The following TGFA variants were observed in gnomAD, a reference collection of about 807,000 sequenced individuals.
The protein encoded by TGFA is transforming growth factor alpha.
Under a neutral mutation model 21.7 loss-of-function variants are expected in TGFA, and 12 were observed. That is an observed-to-expected ratio of 0.55 (90% CI 0.35 to 0.90). TGFA has a LOEUF of 0.90. Among genes scored for constraint, TGFA ranks in the 40% least tolerant of loss-of-function variants. TGFA has a pLI of 0.01. For synonymous variants in TGFA, 79 were observed against 88.1 expected (o/e 0.90, Z 0.58); for missense variants, 178 against 210.8 (o/e 0.84, Z 0.96).
At chr2:70,553,039 T>C in intron 1 of TGFA, 1 of 898,788 alleles carries the variant, frequency 1.1e-6, no homozygotes, top group South Asian at 1.8e-5. Flanking sequence ...TTCCCATCCC[T>C]CCTTCATTTC....
chr2:70,481,055 G>C (rs1553495414), intron 2 of TGFA, among the ~76,000 whole-genome samples: 1 of 152,162 alleles, frequency 6.6e-6, no homozygotes, highest in Non-Finnish European at 1.5e-5. Context: ...AGCCATACTG[G>C]TTCAGAAGCA....
Position 70,521,609 on chromosome 2 carries a change from G to GTTGTTTT in TGFA, c.41-6698_41-6697insAAAACAA, listed in dbSNP as rs1432347684. ...ACTATTGATAGTTTTTTTTGTTGTT[G>GTTGTTTT]TTTGTTTGTTTTTTTTTTTTTTTTT... On this transcript the variant is annotated intron_variant, in intron 1 of 5. Transcript: ENST00000295400. 1.1e-3 allele frequency among the ~76,000 whole-genome samples: 87 copies of GTTGTTTT among 78,846 alleles called. 1 individual carries two copies. Among genetic ancestry groups the GTTGTTTT allele is most frequent in the South Asian group, 2.9e-3 (6 of 2,062 alleles). The allele number at this position is 78,846 out of a possible 152,430, so 51.7% of individuals were successfully genotyped here.
intron 3 of TGFA, chr2:70,461,570 G>T (rs537896907): frequency 6.6e-6 from 1 of 152,320 alleles, no homozygotes; most frequent in South Asian, 2.1e-4. Flanking sequence ...TTGGGTCACC[G>T]AGGAGCATTT....
chr2:70,456,468 C>G lies in TGFA; in HGVS notation c.236G>C (p.Gly79Ala). 1 of 1,607,866 alleles carries G rather than the reference C, an allele frequency of 6.2e-7. No homozygotes were observed. The highest frequency in any genetic ancestry group is 8.5e-7 in the Non-Finnish European group (1 of 1,177,296). Reference protein sequence around the residue: ...PACVCHSGYVGARCEHADLLA... With the variant: ...PACVCHSGYVAARCEHADLLA... ...GAGGTCCGCATGCTCACAGCGTGCACCAACGTACCCAGAATGGCAGCTGGG... is the reference window on the plus strand; with the variant it reads ...GAGGTCCGCATGCTCACAGCGTGCAGCAACGTACCCAGAATGGCAGCTGGG... Residue 79 changes from glycine (G) to alanine (A), a missense_variant, in exon 4 of 6, where the codon GGT becomes GCT. Physicochemically the swap from Gly to Ala is moderately conservative, Grantham distance 60. Transcript: ENST00000295400.
chr2:70,532,864 TC>T (rs1672854399), intron 1 of TGFA, among the ~76,000 whole-genome samples: 2 of 70,672 alleles, frequency 2.8e-5, no homozygotes, highest in Non-Finnish European at 5.8e-5. Context: ...ATATTCTTTT[TC>T]TTTTTTTTTT....
intron 1 of TGFA, among the ~76,000 whole-genome samples, chr2:70,530,864 CA>C (rs1672796175): frequency 2.6e-5 from 4 of 152,226 alleles, no homozygotes; most frequent in Admixed American, 6.5e-5. Context: ...GTGCAAGCTG[CA>C]AATGCCCAGC....
intron 3 of TGFA, 72 bp from the exon 4 acceptor site, chr2:70,456,560 T>C (rs1670236246): frequency 1.3e-6 from 2 of 1,501,544 alleles, no homozygotes; most frequent in African/African-American, 1.4e-5. Context: ...CAGGGAGGGC[T>C]TTCCTGGAGG....
chr2:70,503,124 C>T (rs535011497), intron 2 of TGFA, among the ~76,000 whole-genome samples: 4 of 152,116 alleles, frequency 2.6e-5, no homozygotes, highest in South Asian at 2.1e-4. Flanking sequence ...CACATGCACA[C>T]GTATGTTTAT....
At chr2:70,545,633 A>C (rs1559146012) in intron 1 of TGFA, among the ~76,000 whole-genome samples, 1 of 152,224 alleles carries the variant, frequency 6.6e-6, no homozygotes, top group Non-Finnish European at 1.5e-5. Flanking sequence ...ATAATATATG[A>C]GATCACTAAA....
intron 3 of TGFA, among the ~76,000 whole-genome samples, chr2:70,462,487 G>A (rs981179757): frequency 1.3e-5 from 2 of 152,186 alleles, no homozygotes; most frequent in Non-Finnish European, 2.9e-5. Context: ...TGTTGCTGTC[G>A]GGAATTTTGG....
intron 2 of TGFA, among the ~76,000 whole-genome samples, chr2:70,511,633 G>A (rs1553500933): frequency 6.6e-6 from 1 of 152,180 alleles, no homozygotes; most frequent in Admixed American, 6.5e-5. Flanking sequence ...TGGAATTGTG[G>A]TGACGTTTTA....
chr2:70,514,410 A>T (rs1348582625), intron 2 of TGFA, among the ~76,000 whole-genome samples: 2 of 139,684 alleles, frequency 1.4e-5, no homozygotes, highest in African/African-American at 6.4e-5. Flanking sequence ...AATAATAATA[A>T]AAAAAAATAC....
intron 2 of TGFA, chr2:70,468,478 C>T (rs914079397): frequency 2.0e-5 from 3 of 152,264 alleles, no homozygotes; most frequent in African/African-American, 7.2e-5. Flanking sequence ...GTTTGCATAA[C>T]TGGCTTCTCT....
chr2:70,533,277 G>A (rs781991746), intron 1 of TGFA, among the ~76,000 whole-genome samples: 5 of 152,062 alleles, frequency 3.3e-5, no homozygotes, highest in African/African-American at 1.2e-4. Context: ...AAGAAATTTC[G>A]ACCCAAAGGG....
chr2:70,514,791 G>A, intron 2 of TGFA, 68 bp downstream of exon 2: 1 of 1,541,832 alleles, frequency 6.5e-7, no homozygotes, highest in Non-Finnish European at 8.9e-7. Flanking sequence ...AGCTCTTGAG[G>A]AGCCACACAG....
intron 1 of TGFA, among the ~76,000 whole-genome samples, chr2:70,548,414 A>C (rs1416979788): frequency 6.6e-6 from 1 of 152,194 alleles, no homozygotes; most frequent in Non-Finnish European, 1.5e-5. Flanking sequence ...CCCAGCTGGA[A>C]AAGTTAACAC....
intron 2 of TGFA, among the ~76,000 whole-genome samples, chr2:70,504,433 A>AATAT (rs200901290): frequency 0.082 from 5,021 of 61,352 alleles, 364 homozygotes; most frequent in Non-Finnish European, 0.12. Flanking sequence ...AAACAAAACA[A>AATAT]ATATATATAT....
chr2:70,541,967 C>T (rs1673145282), intron 1 of TGFA, among the ~76,000 whole-genome samples: 1 of 152,142 alleles, frequency 6.6e-6, no homozygotes, highest in African/African-American at 2.4e-5. Context: ...TGCGATCCTC[C>T]ACTGCAAAAC....
At position 70,546,035 on chromosome 2, in the gene TGFA, C is replaced by T. The variant is rs558449641; in HGVS notation, c.40+7693G>A. Among the ~76,000 whole-genome samples the T allele has an allele frequency of 1.3e-4, 20 of 152,216 alleles. No homozygotes were observed. The South Asian group carries it at 4.1e-3, about 32-fold the overall frequency. ...AAAACTGGGCTGAGATCATTTTTCT[C>T]CAATCAACTTGGCAAATGTTAAATC... On this transcript the variant is annotated intron_variant, in intron 1 of 5. Coordinates refer to ENST00000295400, the MANE Select transcript of TGFA (RefSeq NM_003236.4).
Sources: gnomAD v4.1 joint callset for allele counts (sites outside exome capture counted in the v4.1 genomes callset) on GRCh38, gnomAD v4.1.1 for gene constraint, MANE v1.5 for transcripts, NCBI Gene and HGNC (gene_info 2026-07-23, HGNC 2026-07-21) for gene names.